ZNF571: variants seen among roughly 807,000 people sequenced by gnomAD.
ZNF571 encodes zinc finger protein 571.
ZNF571 carries 4 observed loss-of-function variants against 7.7 expected under a neutral mutation model. The observed-to-expected ratio is 0.52, with a 90% CI of 0.25 to 1.18. The LOEUF (loss-of-function observed/expected upper bound fraction) is 1.18, where lower values mean the gene tolerates loss of function less well. Among genes scored for constraint, ZNF571 ranks in the 50% most tolerant of loss-of-function variants. The pLI is 0.14. For synonymous variants in ZNF571, 251 were observed against 232.4 expected (o/e 1.08, Z -0.73); for missense variants, 704 against 726.9 (o/e 0.97, Z 0.36).
intron 3 of ZNF571, among the ~76,000 whole-genome samples, chr19:37,568,576 A>G (rs957092648): frequency 6.6e-6 from 1 of 152,294 alleles, no homozygotes; most frequent in East Asian, 1.9e-4. Context: ...TTAATCTAAT[A>G]TGATTCTGGG....
chr19:37,572,084 A>G (rs1452048006), intron 3 of ZNF571, among the ~76,000 whole-genome samples: 3 of 152,256 alleles, frequency 2.0e-5, no homozygotes, highest in Non-Finnish European at 4.4e-5. Flanking sequence ...CATTAATAAC[A>G]TCAAACCATC....
At chr19:37,566,345 A>G (rs2042859637) in intron 3 of ZNF571, 54 bp from the exon 4 acceptor site, 1 of 1,526,398 alleles carries the variant, frequency 6.6e-7, no homozygotes, top group African/African-American at 1.4e-5. Context: ...GAGAAATAAA[A>G]ATTCTATGGT....
intron 1 of ZNF571, among the ~76,000 whole-genome samples, chr19:37,592,869 CA>C (rs988110801): frequency 1.4e-4 from 21 of 152,270 alleles, no homozygotes; most frequent in African/African-American, 3.9e-4. Flanking sequence ...AGTTTTTCTA[CA>C]AATCAACAGC....
intron 2 of ZNF571, among the ~76,000 whole-genome samples, chr19:37,584,623 C>T (rs887190824): frequency 4.6e-5 from 7 of 152,100 alleles, no homozygotes; most frequent in Admixed American, 1.3e-4. Context: ...GGACATATTT[C>T]CATTTTACAT....
chr19:37,578,740 C>T (rs1028198316), intron 3 of ZNF571, among the ~76,000 whole-genome samples: 1 of 152,080 alleles, frequency 6.6e-6, no homozygotes, highest in African/African-American at 2.4e-5. Context: ...TCCCAGATAG[C>T]AGACCATGCA....
chr19:37,578,284 G>C (rs1378129414), intron 3 of ZNF571, among the ~76,000 whole-genome samples: 1 of 152,182 alleles, frequency 6.6e-6, no homozygotes, highest in Non-Finnish European at 1.5e-5. Flanking sequence ...ACAGAGAACA[G>C]AGAGACAAGC....
At chr19:37,568,206 T>G (rs1441032407) in intron 3 of ZNF571, among the ~76,000 whole-genome samples, 1 of 152,006 alleles carries the variant, frequency 6.6e-6, no homozygotes, top group Non-Finnish European at 1.5e-5. Context: ...GAAAAATAAA[T>G]ACACATCAGT....
intron 3 of ZNF571, chr19:37,566,547 G>A (rs1330593757): frequency 8.6e-6 from 3 of 349,434 alleles, no homozygotes; most frequent in East Asian, 9.8e-5. Flanking sequence ...GAGACACCCA[G>A]GAGGCTTATA....
At chr19:37,587,784 C>G (rs1357702909) in intron 1 of ZNF571, among the ~76,000 whole-genome samples, 1 of 152,060 alleles carries the variant, frequency 6.6e-6, no homozygotes, top group African/African-American at 2.4e-5. Context: ...TCCCCGCTAA[C>G]CAATTTTCAC....
At chr19:37,586,829 CT>C in intron 1 of ZNF571, 84 bp from the exon 2 acceptor site, 2 of 798,198 alleles carry the variant, frequency 2.5e-6, no homozygotes, top group Non-Finnish European at 4.0e-6. Flanking sequence ...TACTTCTCCT[CT>C]TTTGGGAATT....
chr19:37,588,099 C>CAA lies in ZNF571; in HGVS notation c.-69-1356_-69-1355dup, dbSNP rs58516591. Among the ~76,000 whole-genome samples, 195 of 45,754 alleles carry CAA rather than the reference C, an allele frequency of 4.3e-3. 28 individuals carry two copies. The highest frequency in any genetic ancestry group is 0.013 in the South Asian group (10 of 794). 30.0% of individuals were successfully genotyped at this position (45,754 alleles called of 152,430 possible). On this transcript the variant is annotated intron_variant, in intron 1 of 3. Coordinates refer to ENST00000451802, the MANE Select transcript of ZNF571 (RefSeq NM_016536.5). The stretch of plus-strand genomic sequence containing the variant: ...TGGGTGACAGAGCGAGACTCCATCT[C>CAA]AAAAAAAAAAAAAAAAAAAAAAAAA...
At chr19:37,566,609 T>C (rs900353030) in intron 3 of ZNF571, 1 of 212,494 alleles carries the variant, frequency 4.7e-6, no homozygotes, top group African/African-American at 2.3e-5. Flanking sequence ...TAGCTGGACA[T>C]ACAATCTATC....
rs1174586779 is a variant in ZNF571 at position 37,565,606 on chromosome 19, A to G, written c.822T>C (p.Ser274=). ...SQYTLHQRIH[S]GEKPYECKDC... ...CCTTACATTCATAGGGTTTTTCACC[A>G]CTATGAATTCTCTGATGAAGAGTAT... Residue 274 remains serine, a synonymous_variant, in exon 4 of 4, where the codon AGT becomes AGC. Coordinates refer to ENST00000451802, the MANE Select transcript of ZNF571 (RefSeq NM_016536.5). The G allele has an allele frequency of 1.2e-6, 2 of 1,613,242 alleles. No homozygotes were observed. The highest frequency in any genetic ancestry group is 1.7e-6 in the Non-Finnish European group (2 of 1,179,752).
chr19:37,578,864 TG>T (rs763710660), intron 3 of ZNF571, among the ~76,000 whole-genome samples: 10 of 152,228 alleles, frequency 6.6e-5, no homozygotes, highest in Admixed American at 2.6e-4. Flanking sequence ...TGTGTTCCTC[TG>T]GGGCAGAACT....
At chr19:37,594,666 C>A (rs1447292595) in intron 1 of ZNF571, 75 bp downstream of exon 1, 3 of 152,374 alleles carry the variant, frequency 2.0e-5, no homozygotes, top group Non-Finnish European at 4.4e-5. Context: ...GTATTCCCAG[C>A]ACCATACAAG....
In ZNF571 at chr19:37,594,721, C is replaced by G. The variant is rs936181900; in HGVS notation, c.-70+20G>C. On this transcript the variant is annotated intron_variant, in intron 1 of 3. Transcript: ENST00000451802. ...CAACCCAAAAGCTGCGAGCGGTTCC[C>G]GGTGAGGCCGCCCACTCACCTGGCC... The G allele has an allele frequency of 6.6e-6, 1 of 152,284 alleles. No individual in the cohort carries two copies. The highest frequency in any genetic ancestry group is 1.5e-5 in the Non-Finnish European group (1 of 68,130). The allele number at this position is 152,284 out of a possible 1,614,324, so 9.4% of individuals were successfully genotyped here. A position where few individuals can be genotyped will look rare whatever the true frequency, so the allele number is the denominator to read the frequency against.
chr19:37,581,867 G>C (rs1465000536), intron 3 of ZNF571, among the ~76,000 whole-genome samples: 3 of 148,414 alleles, frequency 2.0e-5, no homozygotes, highest in Non-Finnish European at 3.0e-5. Context: ...GGGTGAACCA[G>C]GAGAATGGCA....
intron 3 of ZNF571, among the ~76,000 whole-genome samples, chr19:37,574,863 TA>T: frequency 6.6e-6 from 1 of 152,246 alleles, no homozygotes; most frequent in East Asian, 1.9e-4. Context: ...TACCAACAAA[TA>T]AAGATCAACT....
chr19:37,580,875 T>G (rs1600511004), intron 3 of ZNF571, among the ~76,000 whole-genome samples: 1 of 152,312 alleles, frequency 6.6e-6, no homozygotes, highest in African/African-American at 2.4e-5. Context: ...CTCTTGTCTG[T>G]ATAAATTACC....
Sources: allele counts gnomAD v4.1 joint callset (sites outside exome capture counted in the v4.1 genomes callset), GRCh38; gene constraint gnomAD v4.1.1; transcripts MANE v1.5; gene names NCBI Gene and HGNC (gene_info 2026-07-23, HGNC 2026-07-21).